CNTNAP5: variants seen among roughly 807,000 people sequenced by gnomAD.
The protein encoded by CNTNAP5 is contactin-associated protein-like 5.
Under a neutral mutation model 150.2 loss-of-function variants are expected in CNTNAP5, and 72 were observed. That is an observed-to-expected ratio of 0.48 (90% CI 0.40 to 0.58). The LOEUF (loss-of-function observed/expected upper bound fraction) is 0.58. Among genes scored for constraint, CNTNAP5 ranks in the 20% least tolerant of loss-of-function variants. The pLI is 0.00. For missense variants in CNTNAP5, 1,636 were observed against 1,626.2 expected, an observed-to-expected ratio of 1.01 and a Z score of -0.10; for synonymous variants, 672 against 619.8, an observed-to-expected ratio of 1.08 and a Z score of -1.25.
chr2:124,606,501 G>A (rs1002644866), intron 11 of CNTNAP5, among the ~76,000 whole-genome samples: 81 of 151,932 alleles, frequency 5.3e-4, no homozygotes, highest in Non-Finnish European at 8.4e-4. Context: ...TTATACCAAG[G>A]CTTGTGGTTT....
chr2:124,453,370 G>C (rs1693036895), intron 6 of CNTNAP5, among the ~76,000 whole-genome samples: 1 of 152,166 alleles, frequency 6.6e-6, no homozygotes, highest in South Asian at 2.1e-4. Flanking sequence ...AAGCATCCAG[G>C]ATGTCTGGGA....
chr2:124,377,839 GC>G (rs1384394950), intron 3 of CNTNAP5, among the ~76,000 whole-genome samples: 1 of 151,888 alleles, frequency 6.6e-6, no homozygotes, highest in Non-Finnish European at 1.5e-5. Flanking sequence ...AAATACAAGA[GC>G]TTTTGAGCTA....
intron 3 of CNTNAP5, among the ~76,000 whole-genome samples, chr2:124,365,953 C>CTGGGA: frequency 6.6e-6 from 1 of 152,254 alleles, no homozygotes; most frequent in Admixed American, 6.5e-5. Context: ...CAAGTGGTGC[C>CTGGGA]TGGGATGCAT....
intron 4 of CNTNAP5, among the ~76,000 whole-genome samples, chr2:124,427,462 A>G (rs931290745): frequency 1.3e-5 from 2 of 151,528 alleles, no homozygotes; most frequent in African/African-American, 4.8e-5. Context: ...ATTATTATTT[A>G]TTTATTTATT....
At chr2:124,834,962 T>C (rs915891969) in intron 19 of CNTNAP5, among the ~76,000 whole-genome samples, 16 of 151,628 alleles carry the variant, frequency 1.1e-4, no homozygotes, top group Admixed American at 2.0e-4. Flanking sequence ...TGACCCTTGG[T>C]TTACTCATCT....
chr2:124,581,059 A>G (rs1020184871), intron 11 of CNTNAP5, among the ~76,000 whole-genome samples: 1 of 152,196 alleles, frequency 6.6e-6, no homozygotes, highest in African/African-American at 2.4e-5. Context: ...ATGATAGGGA[A>G]GAGCACAGAT....
At chr2:124,709,923 C>T (rs954913048) in intron 13 of CNTNAP5, among the ~76,000 whole-genome samples, 1 of 152,098 alleles carries the variant, frequency 6.6e-6, no homozygotes, top group African/African-American at 2.4e-5. Context: ...CTATTTTTCT[C>T]AGAGTACACC....
chr2:124,741,559 A>G (rs1680498129), intron 13 of CNTNAP5, among the ~76,000 whole-genome samples: 1 of 152,108 alleles, frequency 6.6e-6, no homozygotes, highest in African/African-American at 2.4e-5. Context: ...TCATGTACAA[A>G]TTAGATTTGT....
intron 13 of CNTNAP5, among the ~76,000 whole-genome samples, chr2:124,710,700 G>C (rs1172074569): frequency 6.6e-6 from 1 of 152,126 alleles, no homozygotes; most frequent in African/African-American, 2.4e-5. Context: ...ATTCACTGCA[G>C]ACTGACTCCT....
chr2:124,826,488 T>C (rs1682595090), intron 19 of CNTNAP5, among the ~76,000 whole-genome samples: 1 of 152,088 alleles, frequency 6.6e-6, no homozygotes, highest in South Asian at 2.1e-4. Context: ...TGGCCCCTGA[T>C]CACTTTATTC....
chr2:124,398,759 G>T (rs1255140499), intron 3 of CNTNAP5, among the ~76,000 whole-genome samples: 3 of 152,148 alleles, frequency 2.0e-5, no homozygotes, highest in Admixed American at 6.5e-5. Context: ...GGGATTACGG[G>T]CATAAGCCAC....
chr2:124,451,073 TATATACAC>T (rs1189506709), intron 6 of CNTNAP5, among the ~76,000 whole-genome samples: 9 of 97,728 alleles, frequency 9.2e-5, no homozygotes, highest in African/African-American at 3.5e-4. Flanking sequence ...TATATATATA[TATATACAC>T]ACACACACAC....
intron 14 of CNTNAP5, among the ~76,000 whole-genome samples, chr2:124,755,286 TTGTC>T (rs1680815822): frequency 6.6e-6 from 1 of 152,180 alleles, no homozygotes; most frequent in African/African-American, 2.4e-5. Flanking sequence ...TATCACTAAA[TTGTC>T]TGTAAAGTCT....
rs551585944 is a variant in CNTNAP5, at chr2:124,246,881, A to C, written c.381+4488A>C. On this transcript the variant is annotated intron_variant, in intron 3 of 23. Transcript: ENST00000682447. ...ATTAAACTTGCAGTTTTCTCTTATTAAAATTATGTTGCCTCTCCCCAAACA... is the reference window on the plus strand; with the variant it reads ...ATTAAACTTGCAGTTTTCTCTTATTCAAATTATGTTGCCTCTCCCCAAACA... 1.4e-4 allele frequency among the ~76,000 whole-genome samples: 21 copies of C among 152,202 alleles called. No individual in the cohort carries two copies. In the East Asian group the frequency reaches 4.1e-3, roughly 29 times the overall value.
intron 2 of CNTNAP5, among the ~76,000 whole-genome samples, chr2:124,226,108 T>C (rs35515443): frequency 0.29 from 43,328 of 151,996 alleles, 6,390 homozygotes; most frequent in South Asian, 0.48. Context: ...GATACTGATT[T>C]CATTTCCTTC....
At chr2:124,713,923 T>C (rs1409499808) in intron 13 of CNTNAP5, among the ~76,000 whole-genome samples, 1 of 152,186 alleles carries the variant, frequency 6.6e-6, no homozygotes, top group Non-Finnish European at 1.5e-5. Flanking sequence ...TTCTCTGTAC[T>C]TCAACGTTGC....
intron 14 of CNTNAP5, among the ~76,000 whole-genome samples, chr2:124,758,071 T>C (rs1262521980): frequency 6.6e-6 from 1 of 152,100 alleles, no homozygotes; most frequent in Admixed American, 6.6e-5. Context: ...GAAGCAGGGA[T>C]CCAGTTTATG....
intron 3 of CNTNAP5, among the ~76,000 whole-genome samples, chr2:124,283,815 G>C (rs2104625869): frequency 6.6e-6 from 1 of 152,292 alleles, no homozygotes; most frequent in South Asian, 2.1e-4. Context: ...CCTCCTAGCT[G>C]TGTCTTCACA....
At chr2:124,215,828 G>A (rs1055161677) in intron 1 of CNTNAP5, among the ~76,000 whole-genome samples, 2 of 151,256 alleles carry the variant, frequency 1.3e-5, no homozygotes, top group African/African-American at 4.9e-5. Flanking sequence ...TCACTTCGCA[G>A]AAAAAAGATC....
Sources: gnomAD v4.1 joint callset for allele counts (sites outside exome capture counted in the v4.1 genomes callset) on GRCh38, gnomAD v4.1.1 for gene constraint, MANE v1.5 for transcripts, NCBI Gene and HGNC (gene_info 2026-07-23, HGNC 2026-07-21) for gene names.